USP35: variants seen among roughly 807,000 people sequenced by gnomAD.
USP35 encodes ubiquitin specific peptidase 35, also known as ubiquitin carboxyl-terminal hydrolase 35.
In USP35, 69 loss-of-function variants were observed where a neutral mutation model predicts 83.8. That is an observed-to-expected ratio of 0.82 (90% CI 0.68 to 1.01). The LOEUF (loss-of-function observed/expected upper bound fraction) is 1.01. Ranked by LOEUF, USP35 falls within the 50% of genes least tolerant of loss-of-function variation. The pLI is 0.00. For missense variants in USP35, 1,503 were observed against 1,362.5 expected, an observed-to-expected ratio of 1.10 and a Z score of -1.62; for synonymous variants, 714 against 589.5, an observed-to-expected ratio of 1.21 and a Z score of -3.06.
chr11:78,227,583 C>G, the USP35 span, among the ~76,000 whole-genome samples: 2 of 146,212 alleles, frequency 1.4e-5, no homozygotes, highest in African/African-American at 2.6e-5. Context: ...TCACTTGAGG[C>G]CAGGAGTTCA....
At chr11:78,189,905 C>T (rs1862949939) in intron 1 of USP35, among the ~76,000 whole-genome samples, 1 of 152,158 alleles carries the variant, frequency 6.6e-6, no homozygotes, top group South Asian at 2.1e-4. Flanking sequence ...CCAGGGTTGC[C>T]TTGGGTAGAA....
Position 78,198,030 on chromosome 11 carries a change from C to T in USP35, c.768C>T (p.Asp256=), listed in dbSNP as rs759442852. ...DGVVRNLSND[D]SVTDSQMLTA... ...TTGTCCGGAACCTCAGCAATGATGA[C>T]AGTGTGACAGACTCGCAGATGCTGA... is the stretch of plus-strand genomic sequence containing the variant. The change falls in exon 3 of 11, where the codon GAC becomes GAT. Residue 256 remains aspartate (D), a synonymous_variant. Coordinates refer to ENST00000529308, the MANE Select transcript of USP35 (RefSeq NM_020798.4). 5.0e-5 allele frequency: 80 copies of T among 1,614,120 alleles called. No individual in the cohort carries two copies. Among genetic ancestry groups the T allele is most frequent in the Non-Finnish European group, 5.9e-5 (70 of 1,180,046 alleles).
In USP35 at chr11:78,210,448, T is replaced by G; in HGVS notation, c.2593T>G (p.Cys865Gly). The G allele has an allele frequency of 6.2e-7, 1 of 1,614,218 alleles. No homozygotes were observed. The change falls in exon 10 of 11, where the codon TGC becomes GGC. Residue 865 changes from cysteine (C) to glycine (G), a missense_variant. By Grantham distance (159) the Cys-to-Gly change is radical. Coordinates refer to ENST00000529308, the MANE Select transcript of USP35 (RefSeq NM_020798.4). ...GVSSESGHYYCYAREGAARPA... is the reference protein window; with the variant it reads ...GVSSESGHYYGYAREGAARPA... ...GTCTTCGGAGAGTGGTCACTACTAC[T>G]GCTATGCCCGTGAGGGCGCTGCCCG...
At position 78,208,841 on chromosome 11, in the gene USP35, G is replaced by T. The variant is rs745343047; in HGVS notation, c.1486-16G>T. 6.2e-7 allele frequency: 1 copy of T among 1,613,994 alleles called. No individual in the cohort carries two copies. Among genetic ancestry groups the T allele is most frequent in the South Asian group, 1.1e-5 (1 of 91,082 alleles). Reference sequence around the variant, plus strand: ...CCTCCTGCTCCTGACCATGCCTTTCGCCTGCCTTGTCCTAGCGGCCTGCCA... The same window carrying T: ...CCTCCTGCTCCTGACCATGCCTTTCTCCTGCCTTGTCCTAGCGGCCTGCCA... On this transcript the variant is annotated splice_polypyrimidine_tract_variant and intron_variant, in intron 8 of 10. Coordinates refer to ENST00000529308, the MANE Select transcript of USP35 (RefSeq NM_020798.4).
chr11:78,223,281 C>T, the USP35 span: 67 of 687,678 alleles, frequency 9.7e-5, no homozygotes, highest in Non-Finnish European at 1.5e-4. Context: ...GATAAGAAAA[C>T]TGAGACTCAG....
the USP35 span, among the ~76,000 whole-genome samples, chr11:78,230,127 G>A: frequency 3.2e-3 from 487 of 152,312 alleles, 2 homozygotes; most frequent in African/African-American, 0.011. Context: ...TATAAATAAT[G>A]AATAAACGTT....
At chr11:78,204,494 T>C (rs975671684) in intron 6 of USP35, among the ~76,000 whole-genome samples, 6 of 152,230 alleles carry the variant, frequency 3.9e-5, no homozygotes, top group African/African-American at 1.4e-4. Flanking sequence ...TAAGTTATTT[T>C]GAAGTTTTTA....
chr11:78,204,561 A>T (rs909602334), intron 6 of USP35, among the ~76,000 whole-genome samples: 5 of 152,204 alleles, frequency 3.3e-5, no homozygotes, highest in African/African-American at 1.2e-4. Context: ...TTTTGTTCCT[A>T]GCATGGATAT....
At position 78,196,452 on chromosome 11, in the gene USP35, C is replaced by T. The variant is rs1436751885; in HGVS notation, c.207C>T (p.Gly69=). The T allele has an allele frequency of 4.8e-6, 6 of 1,261,426 alleles. No individual in the cohort carries two copies. Among genetic ancestry groups the T allele is most frequent in the African/African-American group, 1.6e-5 (1 of 62,212 alleles). The allele number at this position is 1,261,426 out of a possible 1,614,324, so 78.1% of individuals were successfully genotyped here. ...RVGCQLLHVA[G]RHHPDVFAEF... ...GCTGCCAGCTGCTGCACGTGGCCGGCCGCCACCACCCCGACGTCTTCGCCG... is the reference window on the plus strand; with the variant it reads ...GCTGCCAGCTGCTGCACGTGGCCGGTCGCCACCACCCCGACGTCTTCGCCG... The change falls in exon 2 of 11, where the codon GGC becomes GGT. Residue 69 remains glycine, a synonymous_variant. Coordinates refer to ENST00000529308, the MANE Select transcript of USP35 (RefSeq NM_020798.4). The surrounding 1 kb of genome is among the most constrained non-coding windows in gnomAD (Gnocchi z 4.8).
downstream of USP35, chr11:78,215,348 A>G (rs1449682439): frequency 6.6e-6 from 1 of 152,660 alleles, no homozygotes; most frequent in African/African-American, 2.4e-5. Context: ...CACAGTAGAA[A>G]GGGACCTGCA....
At chr11:78,220,383 CTCT>C in the USP35 span, 3 of 1,612,758 alleles carry the variant, frequency 1.9e-6, no homozygotes, top group Non-Finnish European at 2.5e-6. Flanking sequence ...GCTGCCGGTG[CTCT>C]TCTTAGGGGC....
At chr11:78,220,759 A>C in the USP35 span, among the ~76,000 whole-genome samples, 3 of 152,282 alleles carry the variant, frequency 2.0e-5, no homozygotes, top group African/African-American at 4.8e-5. Flanking sequence ...AACCTGTGCT[A>C]ACCCCTGTAC....
chr11:78,222,199 G>C, the USP35 span: 5 of 1,609,236 alleles, frequency 3.1e-6, no homozygotes, highest in African/African-American at 1.3e-5. Context: ...GGCTTTGCTG[G>C]AGCAGGAAAA....
In USP35 at chr11:78,197,956, G is replaced by A. The variant is rs752678798; in HGVS notation, c.694G>A (p.Ala232Thr). 9 of 1,614,040 alleles carry A rather than the reference G, an allele frequency of 5.6e-6. No individual in the cohort carries two copies. Among genetic ancestry groups the A allele is most frequent in the Non-Finnish European group, 7.6e-6 (9 of 1,180,024 alleles). ...SCAEEEPPSS[A>T]LASVVQHLPL... ...TCCAGAGGAGGAGCCACCATCTAGC[G>A]CCCTGGCCAGCGTGGTCCAGCACCT... Residue 232 changes from alanine (A) to threonine (T), a missense_variant, in exon 3 of 11, where the codon GCC becomes ACC. Physicochemically the swap from Ala to Thr is moderately conservative, Grantham distance 58. Transcript: ENST00000529308.
At chr11:78,200,596 C>G in intron 5 of USP35, 54 bp from the exon 6 acceptor site, 1 of 1,554,368 alleles carries the variant, frequency 6.4e-7, no homozygotes, top group Non-Finnish European at 8.7e-7. Context: ...ACCACAGCCC[C>G]GTGTCTCAGG....
At chr11:78,213,056 G>A (rs190619344) in intron 10 of USP35, among the ~76,000 whole-genome samples, 1 of 152,312 alleles carries the variant, frequency 6.6e-6, no homozygotes, top group African/African-American at 2.4e-5. Context: ...TGTGTTTTGT[G>A]CGGGGGAATA....
At chr11:78,200,068 C>T in intron 4 of USP35, 65 bp from the exon 5 acceptor site, 1 of 1,558,102 alleles carries the variant, frequency 6.4e-7, no homozygotes, top group Non-Finnish European at 8.9e-7. Flanking sequence ...CCCTCTCAGG[C>T]TTGTGATTCT....
the USP35 span, among the ~76,000 whole-genome samples, chr11:78,234,230 A>G: frequency 4.6e-5 from 7 of 152,246 alleles, 1 homozygote; most frequent in African/African-American, 1.7e-4. Flanking sequence ...ATGCAAGCAC[A>G]TGTGACCGTG....
At chr11:78,192,836 A>G (rs1438009230) in intron 1 of USP35, among the ~76,000 whole-genome samples, 1 of 152,282 alleles carries the variant, frequency 6.6e-6, no homozygotes. Flanking sequence ...GGGTCACACA[A>G]TGAGTCAGGG....
Sources: allele counts gnomAD v4.1 joint callset (sites outside exome capture counted in the v4.1 genomes callset), GRCh38; gene constraint gnomAD v4.1.1; non-coding constraint Gnocchi (gnomAD v3.1); transcripts MANE v1.5; gene names NCBI Gene and HGNC (gene_info 2026-07-23, HGNC 2026-07-21).